EXOSC9: variants seen among roughly 807,000 people sequenced by gnomAD.
The protein encoded by EXOSC9 is exosome complex component RRP45.
A neutral mutation model predicts 56.5 loss-of-function variants in EXOSC9; 38 were observed. The observed-to-expected ratio is 0.67, with a 90% CI of 0.52 to 0.88. The LOEUF is 0.88. Ranked by LOEUF, EXOSC9 falls within the 40% of genes least tolerant of loss-of-function variation. EXOSC9 has a pLI of 0.00. For missense variants in EXOSC9, 559 were observed against 530.5 expected, an observed-to-expected ratio of 1.05 and a Z score of -0.53; for synonymous variants, 170 against 170.8, an observed-to-expected ratio of 0.99 and a Z score of 0.04.
At chr4:121,809,159 A>AT (rs869027734) in intron 6 of EXOSC9, among the ~76,000 whole-genome samples, 3 of 150,128 alleles carry the variant, frequency 2.0e-5, no homozygotes, top group East Asian at 2.0e-4. Flanking sequence ...ATTTAAAAAA[A>AT]TTTTTTTTGT....
intron 5 of EXOSC9, among the ~76,000 whole-genome samples, chr4:121,806,044 A>G (rs780876477): frequency 1.1e-4 from 16 of 152,092 alleles, no homozygotes; most frequent in Non-Finnish European, 2.1e-4. Context: ...GGCTCAAGTG[A>G]TCCTCCCACC....
intron 6 of EXOSC9, 126 bp from the exon 7 acceptor site, chr4:121,809,841 A>C (rs779256616): frequency 9.5e-5 from 102 of 1,074,218 alleles, no homozygotes; most frequent in Non-Finnish European, 1.3e-4. Context: ...CAGTGACCCA[A>C]ATCCGTAGGC....
At chr4:121,812,869 G>A (rs1435676671) in intron 8 of EXOSC9, among the ~76,000 whole-genome samples, 1 of 152,038 alleles carries the variant, frequency 6.6e-6, no homozygotes, top group Non-Finnish European at 1.5e-5. Context: ...GAAGGAAACA[G>A]GTTGATTTCC....
At chr4:121,802,599 C>T in intron 2 of EXOSC9, 75 bp from the exon 3 acceptor site, 1 of 1,448,540 alleles carries the variant, frequency 6.9e-7, no homozygotes, top group African/African-American at 1.4e-5. Flanking sequence ...AAGATTGAAA[C>T]TTGTTATCTG....
chr4:121,802,550 C>T, intron 2 of EXOSC9, 124 bp from the exon 3 acceptor site: 2 of 830,464 alleles, frequency 2.4e-6, no homozygotes, highest in Non-Finnish European at 3.8e-6. Context: ...ATTTTTATCT[C>T]CTATGATTTA....
intron 10 of EXOSC9, 61 bp from the exon 11 acceptor site, chr4:121,816,308 T>C: frequency 1.0e-6 from 1 of 953,354 alleles, no homozygotes; most frequent in East Asian, 3.0e-5. Context: ...CATGTAGAAA[T>C]AAATTTTGCA....
intron 6 of EXOSC9, among the ~76,000 whole-genome samples, chr4:121,809,166 T>G (rs974508051): frequency 1.3e-5 from 2 of 151,742 alleles, no homozygotes; most frequent in Non-Finnish European, 2.9e-5. Context: ...AAAATTTTTT[T>G]TGTAGAGACA....
rs566555238 is a variant in EXOSC9 at position 121,807,616 on chromosome 4, A to T, written c.599A>T (p.Gln200Leu). 1 of 1,607,610 alleles carries T rather than the reference A, an allele frequency of 6.2e-7. No homozygotes were observed. Among genetic ancestry groups the T allele is most frequent in the Non-Finnish European group, 8.5e-7 (1 of 1,174,094 alleles). The change falls in exon 6 of 12, where the codon CAG (glutamine) becomes CTG (leucine). Residue 200 changes from glutamine to leucine, a missense_variant. Gln to Leu is a moderately radical substitution (Grantham distance 113). Coordinates refer to ENST00000243498, the MANE Select transcript of EXOSC9 (RefSeq NM_005033.3). ...MPICVSFAFF[Q>L]QGTYLLVDPN... ...ATTTGTGTCAGTTTTGCCTTTTTCC[A>T]GCAAGGGTAAGCCTCGCCTTATTAT...
chr4:121,816,213 C>A, intron 10 of EXOSC9, 156 bp from the exon 11 acceptor site: 1 of 626,036 alleles, frequency 1.6e-6, no homozygotes. Context: ...CCTGCCTCAG[C>A]CTACCAAAAT....
At chr4:121,812,916 C>CG (rs1724294597) in intron 8 of EXOSC9, among the ~76,000 whole-genome samples, 1 of 152,120 alleles carries the variant, frequency 6.6e-6, no homozygotes, top group African/African-American at 2.4e-5. Context: ...AAGCAAGATA[C>CG]ATAACCCAGC....
At chr4:121,804,791 A>G (rs1413414632) in intron 5 of EXOSC9, 32 bp downstream of exon 5, 1 of 1,527,148 alleles carries the variant, frequency 6.5e-7, no homozygotes, top group Non-Finnish European at 8.9e-7. Flanking sequence ...GATCCTTGAT[A>G]TGAATGAATG....
intron 5 of EXOSC9, among the ~76,000 whole-genome samples, chr4:121,807,136 C>G (rs574208187): frequency 1.3e-5 from 2 of 151,894 alleles, no homozygotes; most frequent in Admixed American, 6.6e-5. Context: ...ACTAAAAATA[C>G]AAAATTAGCC....
At chr4:121,816,531 C>G in intron 11 of EXOSC9, 84 bp downstream of exon 11, 1 of 931,686 alleles carries the variant, frequency 1.1e-6, no homozygotes, top group South Asian at 1.8e-5. Context: ...TCTCATCTTG[C>G]CACATGACTA....
intron 6 of EXOSC9, among the ~76,000 whole-genome samples, chr4:121,809,509 A>G (rs778035287): frequency 6.6e-5 from 10 of 152,176 alleles, no homozygotes; most frequent in Non-Finnish European, 1.2e-4. Context: ...GGGCTCAGTA[A>G]CCACAGGTGA....
intron 10 of EXOSC9, 194 bp downstream of exon 10, chr4:121,814,241 T>A (rs1004996115): frequency 6.6e-5 from 24 of 364,222 alleles, no homozygotes; most frequent in African/African-American, 3.7e-4. Flanking sequence ...AATATAGATA[T>A]GTAGTTATAT....
At chr4:121,804,435 A>G (rs1578497856) in intron 4 of EXOSC9, 187 bp from the exon 5 acceptor site, 1 of 458,416 alleles carries the variant, frequency 2.2e-6, no homozygotes, top group Non-Finnish European at 3.9e-6. Context: ...TTGTTAAACG[A>G]CCCACATAGT....
Position 121,813,231 on chromosome 4 carries a change from C to A in EXOSC9, c.828-3C>A. 1 of 1,604,300 alleles carries A rather than the reference C, an allele frequency of 6.2e-7. No individual in the cohort carries two copies. Among genetic ancestry groups the A allele is most frequent in the Non-Finnish European group, 8.5e-7 (1 of 1,174,976 alleles). ...TTCCCACCAAAAAAACCCCCACATA[C>A]AGGAAAGAAGGTGGAAAGTTTGGTT... On this transcript the variant is annotated splice_region_variant and splice_polypyrimidine_tract_variant and intron_variant, in intron 8 of 11. Coordinates refer to ENST00000243498, the MANE Select transcript of EXOSC9 (RefSeq NM_005033.3).
Position 121,801,476 on chromosome 4 carries a change from A to T in EXOSC9, c.52A>T (p.Ile18Phe), listed in dbSNP as rs749467723. Residue 18 changes from isoleucine to phenylalanine, a missense_variant, in exon 1 of 12, where the codon ATC (isoleucine) becomes TTC (phenylalanine). Coordinates refer to ENST00000243498, the MANE Select transcript of EXOSC9 (RefSeq NM_005033.3). ...NCERRFLLRA[I>F]EEKKRLDGRQ... ...CGAACGCCGCTTCCTACTCCGTGCCATCGAAGAGAAGAAGGTATGGTTTGG... is the reference window on the plus strand; with the variant it reads ...CGAACGCCGCTTCCTACTCCGTGCCTTCGAAGAGAAGAAGGTATGGTTTGG... 16 of 1,614,086 alleles carry T rather than the reference A, an allele frequency of 9.9e-6. No homozygotes were observed. The South Asian group carries it at 1.5e-4, about 16-fold the overall frequency.
In EXOSC9 at chr4:121,801,892, A is replaced by G; in HGVS notation, c.132A>G (p.Gly44=). The change falls in exon 2 of 12, where the codon GGA becomes GGG. Residue 44 remains glycine (G), a synonymous_variant. Coordinates refer to ENST00000243498, the MANE Select transcript of EXOSC9 (RefSeq NM_005033.3). ...NIRISFGTDY[G]CCIVELGKTR... ...GGATCTCATTTGGAACAGATTACGG[A>G]TGCTGCATTGTGGAACTTGGAAAAA... 1.2e-6 allele frequency: 2 copies of G among 1,613,848 alleles called. No homozygotes were observed. The highest frequency in any genetic ancestry group is 1.7e-6 in the Non-Finnish European group (2 of 1,179,710).
Sources: gnomAD v4.1 joint callset for allele counts (sites outside exome capture counted in the v4.1 genomes callset) on GRCh38, gnomAD v4.1.1 for gene constraint, MANE v1.5 for transcripts, NCBI Gene and HGNC (gene_info 2026-07-23, HGNC 2026-07-21) for gene names.